RPS6KC1: variants seen among roughly 807,000 people sequenced by gnomAD.
RPS6KC1 encodes inactive ribosomal protein S6 kinase delta-1.
In RPS6KC1, 54 loss-of-function variants were observed where a neutral mutation model predicts 103.8. The observed-to-expected ratio is 0.52, with a 90% confidence interval of 0.42 to 0.65. RPS6KC1 has a LOEUF of 0.65. RPS6KC1 is among the 30% of genes least tolerant of loss of function. The pLI is 0.00. For synonymous variants in RPS6KC1, 439 were observed against 438.7 expected, an observed-to-expected ratio of 1.00 and a Z score of -0.01; for missense variants, 1,151 against 1,253.8, an observed-to-expected ratio of 0.92 and a Z score of 1.24.
the RPS6KC1 span, among the ~76,000 whole-genome samples, chr1:213,502,065 C>T: frequency 6.6e-6 from 1 of 152,124 alleles, no homozygotes; most frequent in Non-Finnish European, 1.5e-5. Context: ...AGAAAGAAGG[C>T]AAACAGGCAA....
chr1:213,602,253 CT>C, the RPS6KC1 span, among the ~76,000 whole-genome samples: 357 of 117,398 alleles, frequency 3.0e-3, 12 homozygotes, highest in African/African-American at 0.011. Flanking sequence ...TTCTCTCTCT[CT>C]TTTTTTTTCT....
chr1:213,717,424 A>C, the RPS6KC1 span, among the ~76,000 whole-genome samples: 1 of 152,228 alleles, frequency 6.6e-6, no homozygotes, highest in Non-Finnish European at 1.5e-5. Context: ...AGAGGGAAGA[A>C]CATGTGTGCA....
chr1:213,857,287 G>A, the RPS6KC1 span, among the ~76,000 whole-genome samples: 31 of 152,210 alleles, frequency 2.0e-4, no homozygotes, highest in African/African-American at 6.5e-4. Context: ...CTTTCTTCCC[G>A]TTGAATTTCA....
chr1:213,825,460 G>T, the RPS6KC1 span, among the ~76,000 whole-genome samples: 1 of 152,168 alleles, frequency 6.6e-6, no homozygotes, highest in Non-Finnish European at 1.5e-5. Flanking sequence ...ACTGACCCAG[G>T]AAGAACCCGG....
intron 7 of RPS6KC1, 48 bp from the exon 8 acceptor site, chr1:213,176,352 T>C: frequency 2.2e-6 from 3 of 1,347,776 alleles, no homozygotes; most frequent in Non-Finnish European, 1.0e-6. Context: ...GCAGCCTTCC[T>C]TCAAGTACCT....
the RPS6KC1 span, among the ~76,000 whole-genome samples, chr1:213,664,192 C>CCGGG: frequency 3.3e-5 from 1 of 29,856 alleles, no homozygotes; most frequent in African/African-American, 1.9e-4. Context: ...AAGAAATGAG[C>CCGGG]GGGGGGGCGG....
chr1:213,819,379 G>T, the RPS6KC1 span: 1 of 152,320 alleles, frequency 6.6e-6, no homozygotes, highest in East Asian at 1.9e-4. Flanking sequence ...GTGCATACAG[G>T]TCTCTTGGGG....
At chr1:213,688,865 C>A in the RPS6KC1 span, among the ~76,000 whole-genome samples, 1 of 152,200 alleles carries the variant, frequency 6.6e-6, no homozygotes. Context: ...TCTGTGTAAG[C>A]CTTCCCAGTC....
the RPS6KC1 span, among the ~76,000 whole-genome samples, chr1:213,846,244 G>A: frequency 6.7e-6 from 1 of 149,476 alleles, no homozygotes; most frequent in Non-Finnish European, 1.5e-5. Flanking sequence ...AGGTCGCAGT[G>A]AACCGAGATC....
At chr1:213,835,476 G>A in the RPS6KC1 span, among the ~76,000 whole-genome samples, 2 of 152,152 alleles carry the variant, frequency 1.3e-5, no homozygotes, top group East Asian at 1.9e-4. Flanking sequence ...AGCACTGGGC[G>A]ACCAGTTAGG....
chr1:213,660,345 C>G, the RPS6KC1 span, among the ~76,000 whole-genome samples: 1 of 152,154 alleles, frequency 6.6e-6, no homozygotes, highest in East Asian at 1.9e-4. Flanking sequence ...TGCCAGTGAG[C>G]TCATTTTAGA....
At chr1:213,332,152 A>G in the RPS6KC1 span, among the ~76,000 whole-genome samples, 1 of 152,128 alleles carries the variant, frequency 6.6e-6, no homozygotes, top group South Asian at 2.1e-4. Context: ...TGTTACAAGG[A>G]CAGAGCCAAC....
chr1:213,609,087 T>G, the RPS6KC1 span, among the ~76,000 whole-genome samples: 1 of 152,122 alleles, frequency 6.6e-6, no homozygotes, highest in Non-Finnish European at 1.5e-5. Context: ...GGAGGAGAAT[T>G]AAAATCATCC....
the RPS6KC1 span, among the ~76,000 whole-genome samples, chr1:213,799,026 A>G: frequency 2.6e-5 from 4 of 152,328 alleles, no homozygotes; most frequent in South Asian, 8.3e-4. Flanking sequence ...ATGGTGAGAA[A>G]GAGTTTGAAA....
the RPS6KC1 span, among the ~76,000 whole-genome samples, chr1:213,747,677 T>C: frequency 0.021 from 3,230 of 152,282 alleles, 122 homozygotes; most frequent in African/African-American, 0.073. Context: ...ATCCTTGCCT[T>C]CAAAGATTTT....
chr1:213,771,550 A>G, the RPS6KC1 span, among the ~76,000 whole-genome samples: 1 of 152,214 alleles, frequency 6.6e-6, no homozygotes. Context: ...ATTTTGTTCT[A>G]TGCTGGGTCC....
the RPS6KC1 span, among the ~76,000 whole-genome samples, chr1:213,692,398 A>AAAT: frequency 6.6e-6 from 1 of 151,812 alleles, no homozygotes; most frequent in Non-Finnish European, 1.5e-5. Context: ...CAAAAAAAAA[A>AAAT]AAAAATAAAT....
the RPS6KC1 span, among the ~76,000 whole-genome samples, chr1:213,519,881 G>A: frequency 6.6e-6 from 1 of 152,148 alleles, no homozygotes; most frequent in Admixed American, 6.5e-5. Flanking sequence ...ATTTATGTGG[G>A]ATCTCAAATG....
At chr1:213,579,835 T>C in the RPS6KC1 span, among the ~76,000 whole-genome samples, 5 of 152,084 alleles carry the variant, frequency 3.3e-5, no homozygotes, top group African/African-American at 1.2e-4. Context: ...TTACTGAATA[T>C]TTTAAGTCTA....
Sources: allele counts gnomAD v4.1 joint callset (sites outside exome capture counted in the v4.1 genomes callset), GRCh38; gene constraint gnomAD v4.1.1; transcripts MANE v1.5; gene names NCBI Gene and HGNC (gene_info 2026-07-23, HGNC 2026-07-21).